BAZ1B: variants seen among roughly 807,000 people sequenced by gnomAD.
BAZ1B encodes tyrosine-protein kinase BAZ1B.
BAZ1B carries 22 observed loss-of-function variants against 153.8 expected under a neutral mutation model. That is an observed-to-expected ratio of 0.14 (90% CI 0.10 to 0.20). BAZ1B has a LOEUF of 0.20. Ranked by LOEUF, BAZ1B falls within the 10% of genes least tolerant of loss-of-function variation. The pLI is 1.00. For synonymous variants in BAZ1B, 676 were observed against 633.4 expected (o/e 1.07, Z -1.01); for missense variants, 1,325 against 1,799.3 (o/e 0.74, Z 4.77).
chr7:73,498,774 A>G, intron 3 of BAZ1B, 76 bp from the exon 4 acceptor site: 1 of 1,249,210 alleles, frequency 8.0e-7, no homozygotes, highest in East Asian at 2.4e-5. Context: ...CATATCATCC[A>G]ATATACATGC....
intron 11 of BAZ1B, among the ~76,000 whole-genome samples, chr7:73,464,362 T>C (rs982665205): frequency 1.3e-5 from 2 of 152,228 alleles, no homozygotes; most frequent in African/African-American, 4.8e-5. Flanking sequence ...TTTTAATTCA[T>C]ATGACATGAA....
chr7:73,470,289 A>G, intron 8 of BAZ1B, 56 bp downstream of exon 8: 1 of 1,502,426 alleles, frequency 6.7e-7, no homozygotes, highest in Non-Finnish European at 8.9e-7. Flanking sequence ...AATTTTCCTA[A>G]CTAATAGCAA....
chr7:73,488,617 A>T (rs1554574811), intron 6 of BAZ1B, among the ~76,000 whole-genome samples: 1 of 151,636 alleles, frequency 6.6e-6, no homozygotes, highest in Non-Finnish European at 1.5e-5. Context: ...CTGTAATCCC[A>T]GCTACTCAGG....
At position 73,489,324 on chromosome 7, in the gene BAZ1B, C is replaced by G; in HGVS notation, c.761G>C (p.Arg254Pro). 1 of 1,614,138 alleles carries G rather than the reference C, an allele frequency of 6.2e-7. No individual in the cohort carries two copies. The highest frequency in any genetic ancestry group is 8.5e-7 in the Non-Finnish European group (1 of 1,180,004). The change falls in exon 6 of 20, where the codon CGA (arginine) becomes CCA (proline). Residue 254 changes from arginine to proline, a missense_variant. By Grantham distance (103) the Arg-to-Pro change is moderately radical. Transcript: ENST00000339594. ...TAATGCATTATGCCGTATAAAGTAT[C>G]GAACTATCTCCTTATTTGGTGGGCG... is the stretch of plus-strand genomic sequence containing the variant. ...TERPPNKEIVRYFIRHNALRA... is the reference protein window; with the variant it reads ...TERPPNKEIVPYFIRHNALRA...
At chr7:73,484,658 A>G (rs1789337911) in intron 6 of BAZ1B, among the ~76,000 whole-genome samples, 1 of 152,232 alleles carries the variant, frequency 6.6e-6, no homozygotes, top group African/African-American at 2.4e-5. Flanking sequence ...AAAAAAATAA[A>G]TAAAATATGT....
intron 17 of BAZ1B, 61 bp from the exon 18 acceptor site, chr7:73,442,889 G>T: frequency 7.7e-7 from 1 of 1,295,346 alleles, no homozygotes. Flanking sequence ...AATGGACAGG[G>T]CAGAAAATAA....
chr7:73,444,235 G>T, intron 16 of BAZ1B, 106 bp from the exon 17 acceptor site: 2 of 1,313,808 alleles, frequency 1.5e-6, no homozygotes, highest in Admixed American at 5.2e-5. Flanking sequence ...CCTGGACAAG[G>T]AAAGCAGTGG....
In BAZ1B at chr7:73,460,468, GTA is replaced by G. The variant is rs200320372; in HGVS notation, c.3250-752_3250-751del. On this transcript the variant is annotated intron_variant, in intron 12 of 19. Coordinates refer to ENST00000339594, the MANE Select transcript of BAZ1B (RefSeq NM_032408.4). Reference sequence around the variant, plus strand: ...CATGTAACTAACTATATGTAAGGTAGTATGTTTTACAAACTTGATCTCCTTTT... The same window carrying G: ...CATGTAACTAACTATATGTAAGGTAGTGTTTTACAAACTTGATCTCCTTTT... Among the ~76,000 whole-genome samples, 56 of 152,004 alleles carry G rather than the reference GTA, an allele frequency of 3.7e-4. No individual in the cohort carries two copies. In the East Asian group the frequency reaches 0.01, roughly 28 times the overall value.
In BAZ1B at chr7:73,489,177, A is replaced by C; in HGVS notation, c.891+17T>G. On this transcript the variant is annotated intron_variant, in intron 6 of 19. Transcript: ENST00000339594. ...TGATGCTTTATCCTGCTGTCCAAAA[A>C]TTAACAGTGACCTTACCTTGTATGG... is the stretch of plus-strand genomic sequence containing the variant. 6.2e-7 allele frequency: 1 copy of C among 1,612,636 alleles called. No homozygotes were observed. Among genetic ancestry groups the C allele is most frequent in the South Asian group, 1.1e-5 (1 of 91,042 alleles).
intron 10 of BAZ1B, 143 bp downstream of exon 10, chr7:73,466,153 G>C: frequency 3.4e-6 from 2 of 593,630 alleles, no homozygotes; most frequent in Non-Finnish European, 5.7e-6. Context: ...GCTAATGCAA[G>C]AAGTTTTGAT....
intron 3 of BAZ1B, among the ~76,000 whole-genome samples, chr7:73,505,621 T>C (rs1442940973): frequency 6.8e-6 from 1 of 147,280 alleles, no homozygotes; most frequent in Non-Finnish European, 1.5e-5. Context: ...TAAACATTTG[T>C]CCTGAGAGGG....
intron 3 of BAZ1B, among the ~76,000 whole-genome samples, chr7:73,506,195 T>A (rs10215838): frequency 0.025 from 3,742 of 152,204 alleles, 160 homozygotes; most frequent in African/African-American, 0.084. Flanking sequence ...CTATTTTGAC[T>A]GGATAATTAA....
At position 73,478,165 on chromosome 7, in the gene BAZ1B, T is replaced by G; in HGVS notation, c.1296A>C (p.Lys432Asn). ...ACAAAGTCATCTGCTTCATTTTGGT[T>G]TTAGGAGTCTTCAGTCCTTTTTTGG... Reference protein sequence around the residue: ...KSPKKGLKTPKTKMKQMTLLD... With the variant: ...KSPKKGLKTPNTKMKQMTLLD... Residue 432 changes from lysine to asparagine, a missense_variant, in exon 7 of 20, where the codon AAA becomes AAC. Around this residue, in one of 9 missense-constraint regions of BAZ1B, gnomAD observed 219 missense variants for 248.2 expected, o/e 0.88. Transcript: ENST00000339594. 1 of 1,614,146 alleles carries G rather than the reference T, an allele frequency of 6.2e-7. No homozygotes were observed. Among genetic ancestry groups the G allele is most frequent in the Non-Finnish European group, 8.5e-7 (1 of 1,180,032 alleles).
chr7:73,483,485 G>C (rs782391698), intron 6 of BAZ1B, among the ~76,000 whole-genome samples: 2 of 152,090 alleles, frequency 1.3e-5, no homozygotes, highest in Non-Finnish European at 2.9e-5. Flanking sequence ...GCCTTTATTA[G>C]CAAGTTTGCA....
intron 1 of BAZ1B, among the ~76,000 whole-genome samples, chr7:73,518,958 C>CA (rs569484593): frequency 3.3e-4 from 51 of 152,262 alleles, no homozygotes; most frequent in African/African-American, 1.2e-3. Context: ...TAAATACAGT[C>CA]AGTGTCACAT....
chr7:73,516,772 C>CAA (rs71517390), intron 1 of BAZ1B, among the ~76,000 whole-genome samples: 18 of 53,458 alleles, frequency 3.4e-4, no homozygotes, highest in Admixed American at 6.0e-4. Flanking sequence ...GTGACTGTCT[C>CAA]AAAAAAAAAA....
chr7:73,492,698 T>C (rs983095433), intron 5 of BAZ1B, 102 bp downstream of exon 5: 14 of 1,192,266 alleles, frequency 1.2e-5, no homozygotes, highest in Non-Finnish European at 1.6e-5. Flanking sequence ...TGCTGTACAT[T>C]CATTTACATT....
At chr7:73,484,339 A>C (rs1355221247) in intron 6 of BAZ1B, among the ~76,000 whole-genome samples, 3 of 151,958 alleles carry the variant, frequency 2.0e-5, no homozygotes, top group African/African-American at 7.2e-5. Context: ...AGACAGACAG[A>C]TATAGATAGA....
Position 73,477,582 on chromosome 7 carries a change from C to G in BAZ1B, c.1879G>C (p.Asp627His). ...LSCYSGLLLP[D>H]AQYPITAVSL... ...ACAGCAGTAATAGGATACTGAGCAT[C>G]TGGTAAAAGTAGCCCAGAATAACAG... Residue 627 changes from aspartate (D) to histidine (H), a missense_variant, in exon 7 of 20, where the codon GAT (aspartate) becomes CAT (histidine). Around this residue, in one of 9 missense-constraint regions of BAZ1B, gnomAD observed 154 missense variants for 266.3 expected, o/e 0.58. Transcript: ENST00000339594. The surrounding 1 kb of genome is among the most constrained non-coding windows in gnomAD (Gnocchi z 5.6). 1 of 1,614,224 alleles carries G rather than the reference C, an allele frequency of 6.2e-7. No individual in the cohort carries two copies. The highest frequency in any genetic ancestry group is 8.5e-7 in the Non-Finnish European group (1 of 1,180,046).
Sources: allele counts gnomAD v4.1 joint callset (sites outside exome capture counted in the v4.1 genomes callset), GRCh38; gene constraint gnomAD v4.1.1; regional missense constraint gnomAD v4.1.1; non-coding constraint Gnocchi (gnomAD v3.1); transcripts MANE v1.5; gene names NCBI Gene and HGNC (gene_info 2026-07-23, HGNC 2026-07-21).